TMEM43: variants seen among roughly 807,000 people sequenced by gnomAD.
TMEM43 encodes the protein arrhythmogenic right ventricular dysplasia 5.
A neutral mutation model predicts 49.6 loss-of-function variants in TMEM43; 45 were observed. The observed-to-expected ratio is 0.91, with a 90% CI of 0.71 to 1.16. The LOEUF (loss-of-function observed/expected upper bound fraction) is 1.16, where lower values mean the gene tolerates loss of function less well. Among genes scored for constraint, TMEM43 ranks in the 50% most tolerant of loss-of-function variants. The pLI, the probability that TMEM43 is intolerant of heterozygous loss-of-function variation, is 0.00. For missense variants in TMEM43, 532 were observed against 516.6 expected (o/e 1.03, Z -0.29); for synonymous variants, 199 against 207.8 (o/e 0.96, Z 0.36).
chr3:14,132,938 G>T lies in TMEM43; in HGVS notation c.512+3G>T, dbSNP rs754209349. On this transcript the variant is annotated splice_donor_region_variant and intron_variant, in intron 6 of 11. Coordinates refer to ENST00000306077, the MANE Select transcript of TMEM43 (RefSeq NM_024334.3). ...GAGATTGGCCACAAAAACCCCAGGT[G>T]AGAGCCAGGCCCAAGGCCTGAGTGC... 1.2e-6 allele frequency: 2 copies of T among 1,613,400 alleles called. No homozygotes were observed. The highest frequency in any genetic ancestry group is 4.5e-5 in the East Asian group (2 of 44,864).
chr3:14,134,759 G>A lies in TMEM43; in HGVS notation c.584-11G>A. On this transcript the variant is annotated splice_polypyrimidine_tract_variant and intron_variant, in intron 7 of 11. Coordinates refer to ENST00000306077, the MANE Select transcript of TMEM43 (RefSeq NM_024334.3). Reference sequence around the variant, plus strand: ...GGTCCCCTGGGTTTCTAACCACTCTGGTCCCCTCAGGCCTCATCGACAAAG... The same window carrying A: ...GGTCCCCTGGGTTTCTAACCACTCTAGTCCCCTCAGGCCTCATCGACAAAG... 1 of 1,614,056 alleles carries A rather than the reference G, an allele frequency of 6.2e-7. No homozygotes were observed.
intron 1 of TMEM43, among the ~76,000 whole-genome samples, chr3:14,127,347 G>C (rs970584946): frequency 6.6e-6 from 1 of 152,026 alleles, no homozygotes; most frequent in Non-Finnish European, 1.5e-5. Flanking sequence ...CTCCAAGGCC[G>C]TCTTTGAGCC....
At chr3:14,135,721 C>T in intron 9 of TMEM43, 86 bp from the exon 10 acceptor site, 1 of 1,173,098 alleles carries the variant, frequency 8.5e-7, no homozygotes, top group Non-Finnish European at 1.3e-6. Context: ...CAGCCGGCAC[C>T]CAGTCCCGGG....
At chr3:14,134,018 T>C (rs1044512448) in intron 7 of TMEM43, among the ~76,000 whole-genome samples, 1 of 152,140 alleles carries the variant, frequency 6.6e-6, no homozygotes, top group African/African-American at 2.4e-5. Flanking sequence ...TCCTACCAGG[T>C]TCCTCTGAAA....
intron 1 of TMEM43, chr3:14,129,185 T>C (rs1695058978): frequency 4.5e-6 from 2 of 445,848 alleles, no homozygotes; most frequent in South Asian, 2.1e-5. Context: ...AAGAAACTTT[T>C]TGGGGTGATG....
chr3:14,135,183 C>G lies in TMEM43; in HGVS notation c.731C>G (p.Ser244Cys), dbSNP rs199874478. ...PEVGDLRVSF[S>C]YAGLSGDDPD... The stretch of plus-strand genomic sequence containing the variant: ...GTGGGAGACTTGCGTGTCTCCTTTT[C>G]CTATGCTGGACTGAGCGGCGATGAC... Residue 244 changes from serine (S) to cysteine (C), a missense_variant, in exon 9 of 12, where the codon TCC becomes TGC. Coordinates refer to ENST00000306077, the MANE Select transcript of TMEM43 (RefSeq NM_024334.3). 1 of 1,612,732 alleles carries G rather than the reference C, an allele frequency of 6.2e-7. No individual in the cohort carries two copies. The highest frequency in any genetic ancestry group is 2.2e-5 in the East Asian group (1 of 44,862).
rs1013175320 is a variant in TMEM43 at position 14,142,089 on chromosome 3, C to A, written c.*294C>A. ...CTTCCTCTCTTGGACTGAGTGGGTA[C>A]GGCCAGCCACTCAGCCCATTGGCAG... On this transcript the variant is annotated 3_prime_UTR_variant, in exon 12 of 12. Coordinates refer to ENST00000306077, the MANE Select transcript of TMEM43 (RefSeq NM_024334.3). The A allele has an allele frequency of 2.2e-6, 1 of 457,538 alleles. No individual in the cohort carries two copies. The highest frequency in any genetic ancestry group is 4.0e-6 in the Non-Finnish European group (1 of 248,062). The allele number at this position is 457,538 out of a possible 1,614,324, so 28.3% of individuals were successfully genotyped here.
At chr3:14,138,135 A>G (rs1695193799) in intron 10 of TMEM43, among the ~76,000 whole-genome samples, 1 of 152,310 alleles carries the variant, frequency 6.6e-6, no homozygotes, top group Non-Finnish European at 1.5e-5. Flanking sequence ...AGCCCTCTGA[A>G]GAAATGGGGT....
At chr3:14,138,074 G>A (rs900004651) in intron 10 of TMEM43, 7 of 152,168 alleles carry the variant, frequency 4.6e-5, no homozygotes, top group Non-Finnish European at 8.8e-5. Context: ...ACCTGTTTTT[G>A]TTGTTACGGA....
chr3:14,133,899 T>G, intron 7 of TMEM43, 90 bp downstream of exon 7: 1 of 1,169,476 alleles, frequency 8.6e-7, no homozygotes, highest in South Asian at 1.2e-5. Context: ...TTCAGAGGGC[T>G]AAAGGCACAG....
chr3:14,143,331 G>C lies in TMEM43; in HGVS notation c.*1536G>C, dbSNP rs1265581078. The stretch of plus-strand genomic sequence containing the variant: ...TCATCTCTATTGGCCTGGGGTGCCT[G>C]TGCTATAAATGAGTTTCTTCACATG... On this transcript the variant is annotated 3_prime_UTR_variant, in exon 12 of 12. Coordinates refer to ENST00000306077, the MANE Select transcript of TMEM43 (RefSeq NM_024334.3). The C allele has an allele frequency of 2.6e-5, 4 of 152,208 alleles. No homozygotes were observed. Among genetic ancestry groups the C allele is most frequent in the Non-Finnish European group, 5.9e-5 (4 of 68,048 alleles). 9.4% of individuals were successfully genotyped at this position (152,208 alleles called of 1,614,324 possible). A position where few individuals can be genotyped will look rare whatever the true frequency, so the allele number is the denominator to read the frequency against.
chr3:14,134,706 G>T, intron 7 of TMEM43, 64 bp from the exon 8 acceptor site: 1 of 1,611,444 alleles, frequency 6.2e-7, no homozygotes, highest in South Asian at 1.1e-5. Flanking sequence ...GGTCAGGCCA[G>T]GGACTTTGCA....
intron 3 of TMEM43, among the ~76,000 whole-genome samples, 154 bp from the exon 4 acceptor site, chr3:14,131,426 C>G (rs1417804388): frequency 6.6e-6 from 1 of 152,258 alleles, no homozygotes; most frequent in Non-Finnish European, 1.5e-5. Context: ...CAGGGAGTGT[C>G]CTCGATTCTC....
chr3:14,141,501 A>G lies in TMEM43; in HGVS notation c.1001-92A>G, dbSNP rs527471162. Reference sequence around the variant, plus strand: ...CTCCCCTCCTCATGCATGTAGCAACATGGGCCCATCCTCATCTAGGGACAG... The same window carrying G: ...CTCCCCTCCTCATGCATGTAGCAACGTGGGCCCATCCTCATCTAGGGACAG... On this transcript the variant is annotated intron_variant, in intron 11 of 11. Coordinates refer to ENST00000306077, the MANE Select transcript of TMEM43 (RefSeq NM_024334.3). The G allele has an allele frequency of 1.3e-5, 16 of 1,234,146 alleles. No individual in the cohort carries two copies. The East Asian group carries it at 3.3e-4, about 25-fold the overall frequency. The allele number at this position is 1,234,146 out of a possible 1,614,324, so 76.4% of individuals were successfully genotyped here.
Position 14,132,904 on chromosome 3 carries a change from T to G in TMEM43, c.481T>G (p.Phe161Val). Residue 161 changes from phenylalanine to valine, a missense_variant, in exon 6 of 12, where the codon TTC becomes GTC. Phe to Val is a conservative substitution (Grantham distance 50). Transcript: ENST00000306077. ...WRSEIINSKN[F>V]DREIGHKNPS... ...GTCAGAAATCATCAACAGCAAAAAC[T>G]TCGACCGAGAGATTGGCCACAAAAA... 1.2e-6 allele frequency: 2 copies of G among 1,613,980 alleles called. No individual in the cohort carries two copies.
Position 14,135,237 on chromosome 3 carries a change from C to A in TMEM43, c.780+5C>A. 1.2e-6 allele frequency: 2 copies of A among 1,611,036 alleles called. No individual in the cohort carries two copies. The highest frequency in any genetic ancestry group is 1.3e-5 in the African/African-American group (1 of 75,026). On this transcript the variant is annotated splice_donor_5th_base_variant and intron_variant, in intron 9 of 11. Coordinates refer to ENST00000306077, the MANE Select transcript of TMEM43 (RefSeq NM_024334.3). ...GACCTGGGCCCAGCTCACGTGGTAA[C>A]CTGGCTTCCCAGGGGCAGACACTAA...
intron 6 of TMEM43, 57 bp downstream of exon 6, chr3:14,132,992 C>A: frequency 7.2e-7 from 1 of 1,394,034 alleles, no homozygotes; most frequent in Non-Finnish European, 1.0e-6. Flanking sequence ...AGGTCTCCAG[C>A]CTCAGTTTCT....
At chr3:14,141,471 A>T in intron 11 of TMEM43, 122 bp from the exon 12 acceptor site, 2 of 948,972 alleles carry the variant, frequency 2.1e-6, no homozygotes, top group Non-Finnish European at 3.3e-6. Flanking sequence ...CCACCCACTG[A>T]TCCTCTCCCC....
At chr3:14,128,049 T>G (rs144087911) in intron 1 of TMEM43, among the ~76,000 whole-genome samples, 13 of 152,276 alleles carry the variant, frequency 8.5e-5, no homozygotes, top group African/African-American at 2.6e-4. Context: ...GGCCCTGAGC[T>G]ACCCAATAAC....
Sources: gnomAD v4.1 joint callset for allele counts (sites outside exome capture counted in the v4.1 genomes callset) on GRCh38, gnomAD v4.1.1 for gene constraint, MANE v1.5 for transcripts, NCBI Gene and HGNC (gene_info 2026-07-23, HGNC 2026-07-21) for gene names.